Variants in STK33 observed in about 807,000 individuals in gnomAD.
The protein encoded by STK33 is serine/threonine-protein kinase 33.
Under a neutral mutation model 58.0 loss-of-function variants are expected in STK33, and 52 were observed. That is an observed-to-expected ratio of 0.90 (90% CI 0.72 to 1.13). STK33 has a LOEUF of 1.13. STK33 is among the 50% of genes most tolerant of loss of function. The pLI is 0.00. For synonymous variants in STK33, 215 were observed against 200.1 expected (o/e 1.07, Z -0.63); for missense variants, 630 against 604.2 (o/e 1.04, Z -0.45).
At chr11:8,459,578 T>A (rs2137195668) in intron 8 of STK33, among the ~76,000 whole-genome samples, 1 of 152,242 alleles carries the variant, frequency 6.6e-6, no homozygotes, top group Non-Finnish European at 1.5e-5. Flanking sequence ...CATAGGGTAG[T>A]TATTCCTGAG....
At chr11:8,480,996 C>T (rs1949747685) in intron 1 of STK33, among the ~76,000 whole-genome samples, 1 of 152,162 alleles carries the variant, frequency 6.6e-6, no homozygotes, top group Non-Finnish European at 1.5e-5. Context: ...ATTCCATAGT[C>T]AGAGTGCCTG....
chr11:8,428,964 A>T (rs1337727864), intron 14 of STK33, among the ~76,000 whole-genome samples: 1 of 152,144 alleles, frequency 6.6e-6, no homozygotes, highest in Non-Finnish European at 1.5e-5. Flanking sequence ...AAATTTAAAT[A>T]TAAATTTGAA....
rs561493633 is a variant in STK33 at position 8,481,108 on chromosome 11, T to C, written c.-465-494A>G. Among the ~76,000 whole-genome samples the C allele has an allele frequency of 6.6e-5, 10 of 152,266 alleles. No individual in the cohort carries two copies. In the South Asian group the frequency reaches 1.0e-3, roughly 16 times the overall value. On this transcript the variant is annotated intron_variant, in intron 1 of 15. Coordinates refer to ENST00000687296, the MANE Select transcript of STK33 (RefSeq NM_001352389.2). ...TAGTTAGCTGAGGAAATGTGTGATG[T>C]AACATTCTGACTTGGATGTTTCATT... is the stretch of plus-strand genomic sequence containing the variant.
chr11:8,542,167 T>C (rs79541028), intron 1 of STK33, among the ~76,000 whole-genome samples: 2 of 152,200 alleles, frequency 1.3e-5, no homozygotes, highest in African/African-American at 4.8e-5. Context: ...CAGGATGTCA[T>C]AAATGTTACA....
intron 1 of STK33, among the ~76,000 whole-genome samples, chr11:8,517,774 A>G (rs1952945480): frequency 6.6e-6 from 1 of 152,164 alleles, no homozygotes; most frequent in Non-Finnish European, 1.5e-5. Flanking sequence ...ATGAAGCGAG[A>G]AGAGAAGTTT....
In STK33 at chr11:8,410,473, T is replaced by TTTC. The variant is rs1554905574; in HGVS notation, c.1344+3021_1344+3022insGAA. Among the ~76,000 whole-genome samples the TTTC allele has an allele frequency of 3.6e-5, 5 of 139,642 alleles. No homozygotes were observed. The East Asian group carries it at 7.9e-4, about 22-fold the overall frequency. The allele number at this position is 139,642 out of a possible 152,430, so 91.6% of individuals were successfully genotyped here. Reference sequence around the variant, plus strand: ...AAAATCTATTTTCTTTTCTTTTCTTTTTTTTTTTTTTTTTTCTGAGACAAA... The same window carrying TTTC: ...AAAATCTATTTTCTTTTCTTTTCTTTTTCTTTTTTTTTTTTTTTCTGAGACAAA... On this transcript the variant is annotated intron_variant, in intron 15 of 15. Coordinates refer to ENST00000687296, the MANE Select transcript of STK33 (RefSeq NM_001352389.2).
At chr11:8,445,797 G>A (rs1229986481) in intron 11 of STK33, among the ~76,000 whole-genome samples, 1 of 152,158 alleles carries the variant, frequency 6.6e-6, no homozygotes, top group African/African-American at 2.4e-5. Flanking sequence ...TTTTATTGAG[G>A]ATTTTCACAT....
chr11:8,500,215 G>A (rs541229315), intron 1 of STK33, among the ~76,000 whole-genome samples: 2 of 151,984 alleles, frequency 1.3e-5, no homozygotes, highest in Non-Finnish European at 2.9e-5. Flanking sequence ...AATTAAACAA[G>A]AAAGTAAAAT....
intron 14 of STK33, among the ~76,000 whole-genome samples, chr11:8,422,700 T>C (rs1246572881): frequency 6.6e-6 from 1 of 152,166 alleles, no homozygotes; most frequent in African/African-American, 2.4e-5. Context: ...TGTTTTCATT[T>C]TGACTGAGTT....
chr11:8,489,364 T>C (rs1445891041), intron 1 of STK33, among the ~76,000 whole-genome samples: 3 of 151,614 alleles, frequency 2.0e-5, no homozygotes, highest in Admixed American at 2.0e-4. Context: ...TCAATAAATA[T>C]ATATGTTTTA....
chr11:8,531,570 A>C (rs1417747355), intron 1 of STK33, among the ~76,000 whole-genome samples: 1 of 152,176 alleles, frequency 6.6e-6, no homozygotes, highest in Non-Finnish European at 1.5e-5. Context: ...CTGAGCTGGG[A>C]GCTTAGCTTG....
chr11:8,546,317 T>C (rs561346340), intron 1 of STK33, among the ~76,000 whole-genome samples: 2 of 152,344 alleles, frequency 1.3e-5, no homozygotes, highest in South Asian at 4.1e-4. Flanking sequence ...TTTATTGATA[T>C]ATGATAATTG....
intron 8 of STK33, 121 bp downstream of exon 8, chr11:8,461,684 G>C (rs1408616625): frequency 1.7e-6 from 1 of 598,722 alleles, no homozygotes; most frequent in Non-Finnish European, 2.7e-6. Context: ...TCAATCTCCA[G>C]TGACAGACTC....
chr11:8,362,910 C>CCTCCTTTCCTCCCTCCT, the STK33 span, among the ~76,000 whole-genome samples: 3 of 28,238 alleles, frequency 1.1e-4, no homozygotes, highest in African/African-American at 1.7e-4. Context: ...CTCTCCCTTC[C>CCTCCTTTCCTCCCTCCT]TTCCTTCCTC....
At chr11:8,453,705 G>A (rs1946542161) in intron 10 of STK33, among the ~76,000 whole-genome samples, 1 of 152,186 alleles carries the variant, frequency 6.6e-6, no homozygotes, top group South Asian at 2.1e-4. Context: ...TATTGATTAA[G>A]TAACCAAATA....
chr11:8,586,912 T>G (rs2031756959), intron 1 of STK33, among the ~76,000 whole-genome samples: 1 of 152,116 alleles, frequency 6.6e-6, no homozygotes, highest in South Asian at 2.1e-4. Flanking sequence ...TCTTTTTATC[T>G]TTGTATCCCA....
the STK33 span, among the ~76,000 whole-genome samples, chr11:8,363,562 T>G: frequency 6.6e-6 from 1 of 152,174 alleles, no homozygotes; most frequent in South Asian, 2.1e-4. Flanking sequence ...TGTACTTGTG[T>G]TTTGCATCTG....
chr11:8,372,461 C>T, the STK33 span, among the ~76,000 whole-genome samples: 5 of 152,248 alleles, frequency 3.3e-5, no homozygotes, highest in African/African-American at 1.2e-4. Context: ...TGGGGTCCAA[C>T]ATGAACACCA....
chr11:8,360,788 T>C, the STK33 span, among the ~76,000 whole-genome samples: 1 of 152,226 alleles, frequency 6.6e-6, no homozygotes, highest in Non-Finnish European at 1.5e-5. Flanking sequence ...ATCATCAAAC[T>C]AGCAATAGTG....
Sources: gnomAD v4.1 joint callset for allele counts (sites outside exome capture counted in the v4.1 genomes callset) on GRCh38, gnomAD v4.1.1 for gene constraint, MANE v1.5 for transcripts, NCBI Gene and HGNC (gene_info 2026-07-23, HGNC 2026-07-21) for gene names.